SEC31A: variants seen among roughly 807,000 people sequenced by gnomAD.
SEC31A encodes the protein protein transport protein Sec31A.
SEC31A carries 70 observed loss-of-function variants against 151.0 expected under a neutral mutation model. The observed-to-expected ratio is 0.46, with a 90% CI of 0.38 to 0.57. The LOEUF is 0.57. SEC31A is among the 20% of genes least tolerant of loss of function. The pLI is 0.00. For missense variants in SEC31A, 1,330 were observed against 1,471.2 expected (o/e 0.90, Z 1.57); for synonymous variants, 475 against 505.9 (o/e 0.94, Z 0.82).
At chr4:82,844,160 A>C in intron 21 of SEC31A, 1 of 402,908 alleles carries the variant, frequency 2.5e-6, no homozygotes, top group Non-Finnish European at 4.4e-6. Flanking sequence ...ATGGCTGAGG[A>C]ACAGGAGTCA....
chr4:82,881,910 T>C lies in SEC31A; in HGVS notation c.27A>G (p.Thr9=), dbSNP rs779105069. 2.5e-6 allele frequency: 4 copies of C among 1,614,176 alleles called. No homozygotes were observed. The Admixed American group carries it at 6.7e-5, about 27-fold the overall frequency. ...GGGCAGGGCTCCATGCCTGCATGGC[T>C]GTACGATCTACTTCCTTTAACTTCA... is the stretch of plus-strand genomic sequence containing the variant. MKLKEVDR[T]AMQAWSPAQN... The change falls in exon 2 of 27, where the codon ACA becomes ACG. Residue 9 remains threonine (T), a synonymous_variant. Coordinates refer to ENST00000395310, the MANE Select transcript of SEC31A (RefSeq NM_001077207.4).
intron 25 of SEC31A, among the ~76,000 whole-genome samples, chr4:82,821,795 G>A (rs530651636): frequency 2.0e-4 from 31 of 152,204 alleles, no homozygotes; most frequent in African/African-American, 7.2e-4. Flanking sequence ...TCACAAAAAA[G>A]AAGGTCTAAG....
chr4:82,824,690 C>T lies in SEC31A; in HGVS notation c.3292-16G>A. The stretch of plus-strand genomic sequence containing the variant: ...ACTGCACATGCTGGAAGAAACACAC[C>T]AAAAACTGATCAGAAATGACCAGAA... On this transcript the variant is annotated splice_polypyrimidine_tract_variant and intron_variant, in intron 24 of 26. Coordinates refer to ENST00000395310, the MANE Select transcript of SEC31A (RefSeq NM_001077207.4). 6.2e-7 allele frequency: 1 copy of T among 1,609,986 alleles called. No individual in the cohort carries two copies. The highest frequency in any genetic ancestry group is 8.5e-7 in the Non-Finnish European group (1 of 1,178,844).
Position 82,848,817 on chromosome 4 carries a change from T to C in SEC31A, c.2489A>G (p.Gln830Arg). ...CATATCACTCACATGGGGATAATAT[T>C]GTTGAGTTTGAACTCTTGGCATCTG... Reference protein sequence around the residue: ...HHQMPRVQTQQYYPHGENPPP... With the variant: ...HHQMPRVQTQRYYPHGENPPP... The change falls in exon 20 of 27, where the codon CAA becomes CGA. Residue 830 changes from glutamine (Q) to arginine (R), a missense_variant. By Grantham distance (43) the Gln-to-Arg change is conservative (BLOSUM62 1). Coordinates refer to ENST00000395310, the MANE Select transcript of SEC31A (RefSeq NM_001077207.4). 1 of 1,613,024 alleles carries C rather than the reference T, an allele frequency of 6.2e-7. No homozygotes were observed. Among genetic ancestry groups the C allele is most frequent in the Non-Finnish European group, 8.5e-7 (1 of 1,179,674 alleles).
rs752673057 is a variant in SEC31A, at chr4:82,848,914, C to T, written c.2392G>A (p.Glu798Lys). Residue 798 changes from glutamate to lysine, a missense_variant, in exon 20 of 27, where the codon GAA (glutamate) becomes AAA (lysine). Coordinates refer to ENST00000395310, the MANE Select transcript of SEC31A (RefSeq NM_001077207.4). ...TTCTCGTACGGAATTTTAGGTGATT[C>T]ATGTCCTGCTACAGGCTCTCCTTGT... ...RAQGEPVAGHESPKIPYEKQQ... is the reference protein window; with the variant it reads ...RAQGEPVAGHKSPKIPYEKQQ... 16 of 1,614,156 alleles carry T rather than the reference C, an allele frequency of 9.9e-6. No homozygotes were observed. The highest frequency in any genetic ancestry group is 1.4e-5 in the Non-Finnish European group (16 of 1,180,022).
intron 5 of SEC31A, 128 bp from the exon 6 acceptor site, chr4:82,874,879 T>C: frequency 1.9e-6 from 2 of 1,071,428 alleles, no homozygotes; most frequent in Non-Finnish European, 2.7e-6. Flanking sequence ...GCCACAAATT[T>C]GCTTTATAGT....
intron 4 of SEC31A, chr4:82,878,002 T>C (rs1294104470): frequency 6.6e-6 from 1 of 152,170 alleles, no homozygotes; most frequent in African/African-American, 2.4e-5. Flanking sequence ...TTACATTTAA[T>C]TTCTAATTAT....
intron 11 of SEC31A, 86 bp downstream of exon 11, chr4:82,864,276 C>T: frequency 1.1e-6 from 1 of 944,962 alleles, no homozygotes; most frequent in East Asian, 2.4e-5. Flanking sequence ...TCAATTGTTT[C>T]TTTAATAGGA....
intron 12 of SEC31A, 24 bp downstream of exon 12, chr4:82,863,294 C>A: frequency 7.7e-7 from 1 of 1,299,914 alleles, no homozygotes; most frequent in Non-Finnish European, 1.1e-6. Flanking sequence ...AAGAGCATGC[C>A]ATCTAACTTT....
At chr4:82,831,549 A>C (rs1429296131) in intron 22 of SEC31A, among the ~76,000 whole-genome samples, 1 of 152,212 alleles carries the variant, frequency 6.6e-6, no homozygotes, top group Non-Finnish European at 1.5e-5. Context: ...AGTAGCAGGG[A>C]ACTGGAGAAA....
intron 13 of SEC31A, 87 bp from the exon 14 acceptor site, chr4:82,861,795 C>T (rs950863668): frequency 8.1e-6 from 6 of 739,444 alleles, no homozygotes; most frequent in African/African-American, 3.5e-5. Flanking sequence ...AAGACCCAAC[C>T]AACAACATTC....
intron 25 of SEC31A, among the ~76,000 whole-genome samples, chr4:82,824,264 C>T (rs910515152): frequency 3.3e-5 from 5 of 152,110 alleles, no homozygotes; most frequent in African/African-American, 9.7e-5. Flanking sequence ...AGTGCAATGG[C>T]GCGATCTCGG....
chr4:82,887,190 A>G, intron 1 of SEC31A, among the ~76,000 whole-genome samples: 1 of 152,220 alleles, frequency 6.6e-6, no homozygotes, highest in African/African-American at 2.4e-5. Context: ...GTATTATTAA[A>G]AAAATGGAAT....
At chr4:82,870,247 C>A in intron 8 of SEC31A, 78 bp downstream of exon 8, 1 of 1,095,058 alleles carries the variant, frequency 9.1e-7, no homozygotes, top group Non-Finnish European at 1.4e-6. Context: ...CTAAAGAATC[C>A]ACACAGAAAA....
chr4:82,891,509 G>C (rs3797038), upstream of SEC31A, among the ~76,000 whole-genome samples: 32,929 of 152,206 alleles, frequency 0.22, 3,655 homozygotes, highest in South Asian at 0.34. Context: ...ACGCCACGTA[G>C]CACTAGTCCT....
chr4:82,881,014 C>T, intron 2 of SEC31A, 92 bp from the exon 3 acceptor site: 1 of 1,109,666 alleles, frequency 9.0e-7, no homozygotes, highest in Non-Finnish European at 1.3e-6. Flanking sequence ...GTTTTCCATT[C>T]TCTTGCTCAT....
intron 8 of SEC31A, among the ~76,000 whole-genome samples, chr4:82,869,381 CA>C: frequency 6.6e-6 from 1 of 150,888 alleles, no homozygotes; most frequent in East Asian, 2.0e-4. Context: ...CTGCCCGCCT[CA>C]GCCTCCCAAA....
intron 14 of SEC31A, among the ~76,000 whole-genome samples, chr4:82,858,436 C>T (rs1219903957): frequency 2.7e-5 from 4 of 146,096 alleles, no homozygotes; most frequent in Non-Finnish European, 6.0e-5. Flanking sequence ...CCCACCTACT[C>T]GGGAGGCTGA....
intron 14 of SEC31A, among the ~76,000 whole-genome samples, chr4:82,860,823 T>C (rs1733974204): frequency 6.6e-6 from 1 of 152,138 alleles, no homozygotes; most frequent in African/African-American, 2.4e-5. Flanking sequence ...CTTTATTCCC[T>C]TGTTAATTAA....
Sources: allele counts gnomAD v4.1 joint callset (sites outside exome capture counted in the v4.1 genomes callset), GRCh38; gene constraint gnomAD v4.1.1; transcripts MANE v1.5; gene names NCBI Gene and HGNC (gene_info 2026-07-23, HGNC 2026-07-21).